The following PRAMEF19 variants were observed in gnomAD, a reference collection of about 807,000 sequenced individuals.
PRAMEF19 encodes the protein PRAME family member-like.
In PRAMEF19, 21 loss-of-function variants were observed where a neutral mutation model predicts 33.1. That is an observed-to-expected ratio of 0.63 (90% confidence interval 0.45 to 0.91). PRAMEF19 has a LOEUF of 0.91. PRAMEF19 is among the 40% of genes least tolerant of loss of function. The pLI, the probability that PRAMEF19 is intolerant of heterozygous loss-of-function variation, is 0.00. For missense variants in PRAMEF19, 481 were observed against 585.2 expected (o/e 0.82, Z 1.84); for synonymous variants, 179 against 229.3 (o/e 0.78, Z 1.98).
exon 1 of PRAMEF19, chr1:13,371,789 G>C: frequency 6.2e-7 from 1 of 1,611,562 alleles, no homozygotes; most frequent in African/African-American, 1.3e-5. Flanking sequence ...ACGAACAGTC[G>C]GGGGAAGAGC....
At chr1:13,369,065 C>G (rs1462265778), downstream of PRAMEF19, 72 of 1,611,990 alleles carry the variant, frequency 4.5e-5, 2 homozygotes, top group South Asian at 7.4e-4. Flanking sequence ...ACCTCCACCC[C>G]ACTAGGCAGG....
chr1:13,371,804 T>G, exon 1 of PRAMEF19: 2 of 1,611,734 alleles, frequency 1.2e-6, no homozygotes, highest in Non-Finnish European at 8.5e-7. Flanking sequence ...AAGAGCTCCC[T>G]GGGCAGCTCA....
chr1:13,371,385 C>A (rs2100385049), intron 1 of PRAMEF19, among the ~76,000 whole-genome samples, 158 bp from the exon 2 acceptor site: 1 of 152,026 alleles, frequency 6.6e-6, no homozygotes, highest in African/African-American at 2.4e-5. Flanking sequence ...GCCTGGTACC[C>A]ACTTCTAGTG....
chr1:13,368,612 C>T (rs1640628714), downstream of PRAMEF19, among the ~76,000 whole-genome samples: 1 of 152,120 alleles, frequency 6.6e-6, no homozygotes, highest in South Asian at 2.1e-4. Context: ...TTACTTCCGA[C>T]GTTTCTTTGT....
Position 13,369,775 on chromosome 1 carries a change from G to C in PRAMEF19, c.867-135C>G, listed in dbSNP as rs1569833853. The C allele has an allele frequency of 5.7e-6, 7 of 1,224,738 alleles. No individual in the cohort carries two copies. The East Asian group carries it at 1.4e-4, about 25-fold the overall frequency. The allele number at this position is 1,224,738 out of a possible 1,614,324, so 75.9% of individuals were successfully genotyped here. On this transcript the variant is annotated intron_variant, in intron 2 of 2. Transcript: ENST00000376101. ...TCATCTAATCATGGTCCTCCCGCAA[G>C]GTGCTGCCTGATGAGGACTTGGATC...
intron 2 of PRAMEF19, among the ~76,000 whole-genome samples, chr1:13,370,356 CA>C (rs1358820084): frequency 2.0e-5 from 3 of 152,298 alleles, no homozygotes; most frequent in African/African-American, 7.2e-5. Context: ...CACTTCCTAA[CA>C]AGGAATTCCT....
intron 2 of PRAMEF19, among the ~76,000 whole-genome samples, chr1:13,370,320 C>T (rs1415420064): frequency 6.6e-6 from 1 of 152,304 alleles, no homozygotes; most frequent in Non-Finnish European, 1.5e-5. Context: ...AAAAGCTATT[C>T]ATACTTATCA....
Position 13,371,481 on chromosome 1 carries a change from C to T in PRAMEF19, c.287+133G>A, listed in dbSNP as rs1640671862. On this transcript the variant is annotated intron_variant, in intron 1 of 2. Coordinates refer to ENST00000376101, the Ensembl canonical transcript of PRAMEF19. ...GCAGTCCTTTCCCAGAGGAGCTGGG[C>T]AATAGCCAAGAACGTTCCCAGCTTT... 7 of 1,186,164 alleles carry T rather than the reference C, an allele frequency of 5.9e-6. No individual in the cohort carries two copies. In the South Asian group the frequency reaches 5.9e-5, roughly 10 times the overall value. 73.5% of individuals were successfully genotyped at this position (1,186,164 alleles called of 1,614,324 possible).
rs1417822295 is a variant in PRAMEF19, at chr1:13,369,144, C to T, written c.1363G>A (p.Val455Ile). 2.6e-3 allele frequency: 4,226 copies of T among 1,611,900 alleles called. 92 individuals carry two copies. The African/African-American group carries it at 0.05, about 19-fold the overall frequency. The change falls in exon 3 of 3, where the codon GTC (valine) becomes ATC (isoleucine). Residue 455 changes from valine (V) to isoleucine (I), a missense_variant. Physicochemically the swap from Val to Ile is conservative, Grantham distance 29. Coordinates refer to ENST00000376101, the Ensembl canonical transcript of PRAMEF19. Reference sequence around the variant, plus strand: ...GACATGCCACAGCAAGGGCAGGAGACGGGACCAAAGAAGATCCTGTTGGGC... The same window carrying T: ...GACATGCCACAGCAAGGGCAGGAGATGGGACCAAAGAAGATCCTGTTGGGC...
downstream of PRAMEF19, among the ~76,000 whole-genome samples, chr1:13,368,723 T>C (rs1263229323): frequency 6.6e-6 from 1 of 152,282 alleles, no homozygotes; most frequent in East Asian, 1.9e-4. Context: ...CCATTCAACC[T>C]TTTCCCCAGT....
In PRAMEF19 at chr1:13,369,340, C is replaced by T. The variant is rs557333682; in HGVS notation, c.1167G>A (p.Thr389=). 115 of 1,612,052 alleles carry T rather than the reference C, an allele frequency of 7.1e-5. No individual in the cohort carries two copies. In the South Asian group the frequency reaches 1.1e-3, roughly 15 times the overall value. Residue 389 remains threonine, a synonymous_variant, in exon 3 of 3, where the codon ACG becomes ACA. Coordinates refer to ENST00000376101, the Ensembl canonical transcript of PRAMEF19. ...GCAGGTCCTTCAGACCATCCATGGA[C>T]GTGTCATTGCCGTGAAAGCAGAAAG... is the stretch of plus-strand genomic sequence containing the variant.
chr1:13,370,788 A>G, exon 2 of PRAMEF19: 1 of 1,613,966 alleles, frequency 6.2e-7, no homozygotes, highest in Non-Finnish European at 8.5e-7. Flanking sequence ...AGGTAACCAC[A>G]GCCATCGGAG....
intron 2 of PRAMEF19, 101 bp downstream of exon 2, chr1:13,370,548 C>T (rs1387476316): frequency 1.2e-5 from 18 of 1,472,888 alleles, no homozygotes; most frequent in African/African-American, 1.4e-5. Flanking sequence ...CTTCCCTGGA[C>T]ATCTCCAGTG....
Position 13,371,604 on chromosome 1 carries a change from G to A in PRAMEF19, c.287+10C>T. On this transcript the variant is annotated intron_variant, in intron 1 of 2. Coordinates refer to ENST00000376101, the Ensembl canonical transcript of PRAMEF19. ...GGACACCTGGGCCCTCCCCACCTGG[G>A]TCACCTCACCTGGGGCGAACCTTTT... The A allele has an allele frequency of 6.2e-7, 1 of 1,610,794 alleles. No individual in the cohort carries two copies. The highest frequency in any genetic ancestry group is 8.5e-7 in the Non-Finnish European group (1 of 1,179,814).
At chr1:13,369,717 A>G (rs1640648640) in intron 2 of PRAMEF19, 77 bp from the exon 3 acceptor site, 3 of 1,594,654 alleles carry the variant, frequency 1.9e-6, no homozygotes, top group Non-Finnish European at 1.7e-6. Flanking sequence ...TCAAGGGAAG[A>G]GCCTGTTTTG....
chr1:13,369,397 C>T, exon 3 of PRAMEF19: 3 of 1,612,658 alleles, frequency 1.9e-6, no homozygotes, highest in Non-Finnish European at 1.7e-6. Context: ...TCAGGGCAGG[C>T]AGGATGACCC....
chr1:13,370,972 G>A, exon 2 of PRAMEF19: 1 of 1,612,386 alleles, frequency 6.2e-7, no homozygotes, highest in Non-Finnish European at 8.5e-7. Context: ...CCTTAGTACA[G>A]CACAGGTGTA....
chr1:13,370,708 G>C, exon 2 of PRAMEF19: 1 of 1,613,910 alleles, frequency 6.2e-7, no homozygotes, highest in East Asian at 2.2e-5. Context: ...AAAGCATCTG[G>C]AGGTACTCCA....
exon 1 of PRAMEF19, chr1:13,371,646 A>G (rs1640673999): frequency 1.2e-6 from 2 of 1,610,610 alleles, no homozygotes; most frequent in South Asian, 1.1e-5. Flanking sequence ...GCAGGCAATC[A>G]ATCCCATCCA....
Sources: gnomAD v4.1 joint callset for allele counts (sites outside exome capture counted in the v4.1 genomes callset) on GRCh38, gnomAD v4.1.1 for gene constraint, MANE v1.5 for transcripts, NCBI Gene and HGNC (gene_info 2026-07-23, HGNC 2026-07-21) for gene names.